Variants in CNOT6 observed in about 807,000 individuals in gnomAD.
CNOT6 encodes carbon catabolite repression 4 protein.
Under a neutral mutation model 61.2 loss-of-function variants are expected in CNOT6, and 12 were observed. That is an observed-to-expected ratio of 0.20 (90% confidence interval 0.13 to 0.32). The LOEUF (loss-of-function observed/expected upper bound fraction) is 0.32. Among genes scored for constraint, CNOT6 ranks in the 10% least tolerant of loss-of-function variants. The pLI is 1.00. For missense variants in CNOT6, 405 were observed against 663.9 expected, an observed-to-expected ratio of 0.61 and a Z score of 4.28; for synonymous variants, 225 against 240.6, an observed-to-expected ratio of 0.94 and a Z score of 0.60.
intron 1 of CNOT6, among the ~76,000 whole-genome samples, chr5:180,516,612 C>A (rs977093285): frequency 6.6e-6 from 1 of 152,192 alleles, no homozygotes; most frequent in Non-Finnish European, 1.5e-5. Flanking sequence ...TAACAAAAAA[C>A]CACATTTTTA....
rs1200267540 is a variant in CNOT6 at position 180,575,741 on chromosome 5, A to G, written c.*1541A>G. On this transcript the variant is annotated 3_prime_UTR_variant, in exon 12 of 12. Transcript: ENST00000261951. Reference sequence around the variant, plus strand: ...TTATTCATTCTTCTCTCAAAAGTCAAATGAATGCAGAGGGAGCTTGGTCAA... The same window carrying G: ...TTATTCATTCTTCTCTCAAAAGTCAGATGAATGCAGAGGGAGCTTGGTCAA... 1 of 152,628 alleles carries G rather than the reference A, an allele frequency of 6.6e-6. No homozygotes were observed. The highest frequency in any genetic ancestry group is 2.4e-5 in the African/African-American group (1 of 41,450). 9.5% of individuals were successfully genotyped at this position (152,628 alleles called of 1,614,324 possible).
At position 180,543,119 on chromosome 5, in the gene CNOT6, C is replaced by T. The variant is rs532354630; in HGVS notation, c.113-6812C>T. ...TGCCGCCCAGGTTGGAGTGCAGTGG[C>T]ACGGTCTCTGGTCACTGCAAGCTCT... On this transcript the variant is annotated intron_variant, in intron 2 of 11. Transcript: ENST00000261951. 1.1e-3 allele frequency among the ~76,000 whole-genome samples: 166 copies of T among 152,140 alleles called. 1 individual carries two copies. Among genetic ancestry groups the T allele is most frequent in the Non-Finnish European group, 2.0e-3 (138 of 67,994 alleles).
chr5:180,542,222 G>A (rs961699226), intron 2 of CNOT6, among the ~76,000 whole-genome samples: 2 of 137,866 alleles, frequency 1.5e-5, no homozygotes, highest in Non-Finnish European at 3.2e-5. Flanking sequence ...TTTTGCTGAG[G>A]TTTTGCTGAG....
Position 180,544,135 on chromosome 5 carries a change from A to G in CNOT6, c.113-5796A>G, listed in dbSNP as rs183383024. Among the ~76,000 whole-genome samples the G allele has an allele frequency of 7.4e-4, 112 of 152,256 alleles. No homozygotes were observed. In the South Asian group the frequency reaches 8.3e-3, roughly 11 times the overall value. The stretch of plus-strand genomic sequence containing the variant: ...CATGACTTTGTTTTTTAAGTGACCT[A>G]TTCTTATCCATTGTTCATTTTCCTG... On this transcript the variant is annotated intron_variant, in intron 2 of 11. Transcript: ENST00000261951.
chr5:180,561,668 G>C (rs1486525214), intron 4 of CNOT6, among the ~76,000 whole-genome samples: 1 of 152,188 alleles, frequency 6.6e-6, no homozygotes, highest in Non-Finnish European at 1.5e-5. Flanking sequence ...TACTGCCAGT[G>C]GAGGTAGAAG....
intron 1 of CNOT6, among the ~76,000 whole-genome samples, chr5:180,496,132 G>T (rs1362559271): frequency 6.6e-6 from 1 of 152,118 alleles, no homozygotes; most frequent in Non-Finnish European, 1.5e-5. Flanking sequence ...CCGACTCCAG[G>T]GCTCAAGCGA....
At chr5:180,568,770 A>C (rs1016258383) in intron 9 of CNOT6, among the ~76,000 whole-genome samples, 3 of 152,198 alleles carry the variant, frequency 2.0e-5, no homozygotes, top group African/African-American at 7.2e-5. Context: ...ATTGTCTTAA[A>C]TCTAAGAAAG....
At chr5:180,512,733 A>C (rs1353713943) in intron 1 of CNOT6, among the ~76,000 whole-genome samples, 2 of 151,998 alleles carry the variant, frequency 1.3e-5, no homozygotes, top group African/African-American at 2.4e-5. Flanking sequence ...AGTAGCTGGG[A>C]TTACAGGCAT....
intron 10 of CNOT6, among the ~76,000 whole-genome samples, chr5:180,570,002 A>AAC (rs150524720): frequency 6.6e-6 from 1 of 152,098 alleles, no homozygotes; most frequent in Admixed American, 6.5e-5. Flanking sequence ...TGTACGCATG[A>AAC]ACACACACAC....
chr5:180,545,600 G>C (rs1759277495), intron 2 of CNOT6, among the ~76,000 whole-genome samples: 1 of 151,998 alleles, frequency 6.6e-6, no homozygotes, highest in African/African-American at 2.4e-5. Flanking sequence ...GGCTACGCCA[G>C]CATTTGTTTA....
At chr5:180,564,401 T>C (rs72814988) in intron 4 of CNOT6, 88 bp from the exon 5 acceptor site, 19,812 of 858,978 alleles carry the variant, frequency 0.023, 310 homozygotes, top group Non-Finnish European at 0.028. Flanking sequence ...AACATAGTTA[T>C]GGATGATCTG....
intron 3 of CNOT6, among the ~76,000 whole-genome samples, chr5:180,552,921 A>T (rs1247027623): frequency 1.3e-5 from 2 of 151,350 alleles, no homozygotes; most frequent in Non-Finnish European, 2.9e-5. Flanking sequence ...GTCGTTAACG[A>T]AATGATCATT....
chr5:180,528,132 A>G (rs1302311942), intron 1 of CNOT6, among the ~76,000 whole-genome samples: 3 of 152,094 alleles, frequency 2.0e-5, no homozygotes, highest in Non-Finnish European at 4.4e-5. Context: ...TTCACACTTA[A>G]TGGTTTTATT....
At chr5:180,565,310 T>C (rs1230955690) in intron 6 of CNOT6, among the ~76,000 whole-genome samples, 2 of 152,264 alleles carry the variant, frequency 1.3e-5, no homozygotes, top group Non-Finnish European at 2.9e-5. Context: ...TAATGACTGC[T>C]CATCTCCTTT....
At chr5:180,497,685 C>G (rs1756676766) in intron 1 of CNOT6, among the ~76,000 whole-genome samples, 1 of 152,168 alleles carries the variant, frequency 6.6e-6, no homozygotes, top group Non-Finnish European at 1.5e-5. Context: ...TATCTTTATA[C>G]CCATTACTCA....
intron 1 of CNOT6, among the ~76,000 whole-genome samples, chr5:180,506,846 T>C (rs1757150866): frequency 6.6e-6 from 1 of 152,234 alleles, no homozygotes; most frequent in Non-Finnish European, 1.5e-5. Context: ...TTTAAATTCA[T>C]ATAAGCATTA....
chr5:180,500,849 G>T (rs12719870), intron 1 of CNOT6, among the ~76,000 whole-genome samples: 44,756 of 151,826 alleles, frequency 0.29, 6,921 homozygotes, highest in Middle Eastern at 0.42. Context: ...AGCATTTTGG[G>T]CATGCTAAGG....
chr5:180,539,099 C>T (rs189425107), intron 2 of CNOT6, among the ~76,000 whole-genome samples: 33 of 147,732 alleles, frequency 2.2e-4, no homozygotes, highest in African/African-American at 7.2e-4. Flanking sequence ...TTGTTGAACC[C>T]GGGAGGCAGT....
intron 1 of CNOT6, among the ~76,000 whole-genome samples, chr5:180,515,812 A>G (rs1757610142): frequency 6.6e-6 from 1 of 151,782 alleles, no homozygotes; most frequent in African/African-American, 2.4e-5. Flanking sequence ...TTTCTCCTTT[A>G]TGGTTGGGAA....
Sources: gnomAD v4.1 joint callset for allele counts (sites outside exome capture counted in the v4.1 genomes callset) on GRCh38, gnomAD v4.1.1 for gene constraint, MANE v1.5 for transcripts, NCBI Gene and HGNC (gene_info 2026-07-23, HGNC 2026-07-21) for gene names.